HECTD4: variants seen among roughly 807,000 people sequenced by gnomAD.
HECTD4 encodes the protein probable E3 ubiquitin-protein ligase HECTD4.
HECTD4 carries 114 observed loss-of-function variants against 471.5 expected under a neutral mutation model. The observed-to-expected ratio is 0.24, with a 90% confidence interval of 0.21 to 0.28. The LOEUF (loss-of-function observed/expected upper bound fraction) is 0.28. HECTD4 is among the 10% of genes least tolerant of loss of function. The pLI is 1.00. For missense variants in HECTD4, 3,866 were observed against 5,651.5 expected, an observed-to-expected ratio of 0.68 and a Z score of 10.13; for synonymous variants, 2,012 against 2,256.0, an observed-to-expected ratio of 0.89 and a Z score of 3.07.
intron 45 of HECTD4, among the ~76,000 whole-genome samples, chr12:112,218,227 TG>T (rs2135551763): frequency 6.6e-6 from 1 of 152,298 alleles, no homozygotes; most frequent in African/African-American, 2.4e-5. Flanking sequence ...TGTTTTGTTT[TG>T]ATTTTTAATA....
At chr12:112,304,533 A>G (rs1483732646) in intron 7 of HECTD4, among the ~76,000 whole-genome samples, 1 of 152,020 alleles carries the variant, frequency 6.6e-6, no homozygotes, top group African/African-American at 2.4e-5. Context: ...TTTAAGTTCC[A>G]GCTCCCTTTT....
chr12:112,167,724 G>A (rs963199028), intron 71 of HECTD4, 90 bp downstream of exon 71: 1 of 1,245,314 alleles, frequency 8.0e-7, no homozygotes, highest in Non-Finnish European at 1.2e-6. Context: ...AAACGGTTTG[G>A]CTTTGATGAG....
intron 20 of HECTD4, among the ~76,000 whole-genome samples, chr12:112,257,227 T>C (rs1344644449): frequency 6.6e-6 from 1 of 152,206 alleles, no homozygotes; most frequent in Non-Finnish European, 1.5e-5. Flanking sequence ...TTCAATTAAA[T>C]TGAATTTAAA....
intron 9 of HECTD4, among the ~76,000 whole-genome samples, chr12:112,277,779 A>G (rs1269496730): frequency 6.6e-6 from 1 of 152,208 alleles, no homozygotes; most frequent in Non-Finnish European, 1.5e-5. Context: ...CGAGGGAAAA[A>G]TGATTCTATA....
intron 1 of HECTD4, among the ~76,000 whole-genome samples, chr12:112,370,235 G>C (rs2036640311): frequency 1.3e-5 from 2 of 152,096 alleles, no homozygotes; most frequent in African/African-American, 4.8e-5. Flanking sequence ...AAAGGCATGG[G>C]AACAGATTCT....
chr12:112,271,297 T>TGAAGGACCAAGAA (rs2034407816), intron 11 of HECTD4, among the ~76,000 whole-genome samples: 1 of 152,224 alleles, frequency 6.6e-6, no homozygotes, highest in Non-Finnish European at 1.5e-5. Context: ...ACAAGTTCTC[T>TGAAGGACCAAGAA]GATATGCTTC....
At chr12:112,233,424 T>C (rs1470561088) in intron 37 of HECTD4, among the ~76,000 whole-genome samples, 8 of 151,850 alleles carry the variant, frequency 5.3e-5, no homozygotes, top group Non-Finnish European at 1.2e-4. Flanking sequence ...GATCTCACTA[T>C]GTTGCCCAGG....
At chr12:112,371,210 A>G (rs2036660455) in intron 1 of HECTD4, among the ~76,000 whole-genome samples, 1 of 152,166 alleles carries the variant, frequency 6.6e-6, no homozygotes. Flanking sequence ...TAGGTATACA[A>G]TTGGAGAAAA....
At chr12:112,371,273 A>G (rs767067003) in intron 1 of HECTD4, among the ~76,000 whole-genome samples, 15 of 152,160 alleles carry the variant, frequency 9.9e-5, no homozygotes, top group Non-Finnish European at 1.6e-4. Context: ...CTGCAAACAA[A>G]TTGAGAAGGA....
At chr12:112,308,988 TA>T (rs2135685500) in intron 5 of HECTD4, 97 bp from the exon 6 acceptor site, 2 of 1,267,364 alleles carry the variant, frequency 1.6e-6, no homozygotes, top group Non-Finnish European at 2.1e-6. Flanking sequence ...GACCTAATTT[TA>T]AAAAATGAGT....
intron 13 of HECTD4, among the ~76,000 whole-genome samples, chr12:112,267,953 T>A (rs1284631039): frequency 6.6e-6 from 1 of 152,274 alleles, no homozygotes; most frequent in Middle Eastern, 3.4e-3. Flanking sequence ...CCCAAATAGC[T>A]GGGACTACAG....
intron 55 of HECTD4, among the ~76,000 whole-genome samples, chr12:112,199,965 T>A (rs765649286): frequency 1.1e-4 from 17 of 152,210 alleles, no homozygotes; most frequent in Non-Finnish European, 2.1e-4. Flanking sequence ...CCAGCTCTCA[T>A]CTCTCACTAG....
In HECTD4 at chr12:112,185,185, A is replaced by C. The variant is rs1306862502; in HGVS notation, c.9781T>G (p.Cys3261Gly). 4 of 1,551,480 alleles carry C rather than the reference A, an allele frequency of 2.6e-6. No homozygotes were observed. The highest frequency in any genetic ancestry group is 1.4e-5 in the African/African-American group (1 of 72,990). The change falls in exon 61 of 76, where the codon TGC (cysteine) becomes GGC (glycine). Residue 3261 changes from cysteine to glycine, a missense_variant. Physicochemically the swap from Cys to Gly is radical, Grantham distance 159. Coordinates refer to ENST00000682272, the MANE Select transcript of HECTD4 (RefSeq NM_001388303.1). ...AGGGTCACTTCGGCCACAGCCAGGC[A>C]CCCTTCCATGAGTGCATGAAAATAC... ...STYFHALMEG[C>G]LAVAEVTLPT...
chr12:112,343,384 G>T (rs908584125), intron 1 of HECTD4, among the ~76,000 whole-genome samples: 1 of 152,162 alleles, frequency 6.6e-6, no homozygotes, highest in Non-Finnish European at 1.5e-5. Flanking sequence ...CTTTATGTAT[G>T]ACATGGCTTC....
At chr12:112,320,906 G>T (rs2035573032) in intron 1 of HECTD4, among the ~76,000 whole-genome samples, 1 of 150,820 alleles carries the variant, frequency 6.6e-6, no homozygotes, top group Admixed American at 6.6e-5. Context: ...GGAGTGCAAT[G>T]GCCGATCTCA....
rs113450179 is a variant in HECTD4 at position 112,303,862 on chromosome 12, T to TA, written c.1335+2201dup. ...AAGACCCTCTCTTTCTCTCTCAAAA[T>TA]AAAAAAAAAAAAGAAAAAAAAAAGG... is the stretch of plus-strand genomic sequence containing the variant. On this transcript the variant is annotated intron_variant, in intron 7 of 75. Coordinates refer to ENST00000682272, the MANE Select transcript of HECTD4 (RefSeq NM_001388303.1). Among the ~76,000 whole-genome samples, 473 of 113,922 alleles carry TA rather than the reference T, an allele frequency of 4.2e-3. 3 individuals carry two copies. The highest frequency in any genetic ancestry group is 7.4e-3 in the Non-Finnish European group (360 of 48,708). 74.7% of individuals were successfully genotyped at this position (113,922 alleles called of 152,430 possible). A position where few individuals can be genotyped will look rare whatever the true frequency, so the allele number is the denominator to read the frequency against.
At position 112,164,106 on chromosome 12, in the gene HECTD4, C is replaced by T; in HGVS notation, c.12701+3G>A. On this transcript the variant is annotated splice_donor_region_variant and intron_variant, in intron 73 of 75. Coordinates refer to ENST00000682272, the MANE Select transcript of HECTD4 (RefSeq NM_001388303.1). Reference sequence around the variant, plus strand: ...CCAGCCCCTGACACGCGCACACACTCACGCCACAAGGATGTGCCGGCCCCG... The same window carrying T: ...CCAGCCCCTGACACGCGCACACACTTACGCCACAAGGATGTGCCGGCCCCG... 1 of 1,567,532 alleles carries T rather than the reference C, an allele frequency of 6.4e-7. No individual in the cohort carries two copies. Among genetic ancestry groups the T allele is most frequent in the South Asian group, 1.2e-5 (1 of 85,404 alleles).
intron 7 of HECTD4, among the ~76,000 whole-genome samples, chr12:112,298,707 ACT>A (rs749404636): frequency 1.3e-4 from 20 of 151,540 alleles, no homozygotes; most frequent in Non-Finnish European, 2.4e-4. Flanking sequence ...ACACGGTGAA[ACT>A]CTGTCTCTAC....
intron 21 of HECTD4, among the ~76,000 whole-genome samples, chr12:112,255,110 A>G (rs550728658): frequency 6.6e-6 from 1 of 152,330 alleles, no homozygotes; most frequent in Admixed American, 6.5e-5. Flanking sequence ...TCACCATTTA[A>G]CACTAATGTC....
Sources: allele counts gnomAD v4.1 joint callset (sites outside exome capture counted in the v4.1 genomes callset), GRCh38; gene constraint gnomAD v4.1.1; transcripts MANE v1.5; gene names NCBI Gene and HGNC (gene_info 2026-07-23, HGNC 2026-07-21).